The following FAM193A variants were observed in gnomAD, a reference collection of about 807,000 sequenced individuals.
FAM193A encodes the protein protein FAM193A.
A neutral mutation model predicts 126.5 loss-of-function variants in FAM193A; 22 were observed. The observed-to-expected ratio is 0.17, with a 90% confidence interval of 0.12 to 0.25. FAM193A has a LOEUF of 0.25. FAM193A is among the 10% of genes least tolerant of loss of function. The pLI is 1.00. For missense variants in FAM193A, 1,675 were observed against 1,672.8 expected, an observed-to-expected ratio of 1.00 and a Z score of -0.02; for synonymous variants, 761 against 646.8, an observed-to-expected ratio of 1.18 and a Z score of -2.68.
chr4:2,565,492 G>A (rs530120918), intron 1 of FAM193A, among the ~76,000 whole-genome samples: 3 of 152,084 alleles, frequency 2.0e-5, no homozygotes, highest in South Asian at 2.1e-4. Context: ...TCTGGACTTC[G>A]TGATCTACCT....
chr4:2,678,033 C>G (rs2109194456), intron 13 of FAM193A, among the ~76,000 whole-genome samples: 1 of 152,256 alleles, frequency 6.6e-6, no homozygotes, highest in Admixed American at 6.5e-5. Context: ...GAGTCTCCCT[C>G]TGTTACCCAG....
rs1446356492 is a variant in FAM193A at position 2,550,800 on chromosome 4, TTTATTTATTTA to T, written c.255+13633_255+13643del. ...ATTTATTTATTTATTTATTTATTTA[TTTATTTATTTA>T]TTTATTTAGAGATGAGTCTTGCTCT... On this transcript the variant is annotated intron_variant, in intron 1 of 20. Transcript: ENST00000637812. Among the ~76,000 whole-genome samples the T allele has an allele frequency of 2.6e-5, 3 of 113,844 alleles. No homozygotes were observed. The East Asian group carries it at 9.4e-4, about 36-fold the overall frequency. 74.7% of individuals were successfully genotyped at this position (113,844 alleles called of 152,430 possible).
intron 20 of FAM193A, chr4:2,720,165 T>C (rs1194839992): frequency 6.5e-6 from 1 of 154,356 alleles, no homozygotes; most frequent in Non-Finnish European, 1.5e-5. Context: ...GCTTAGTAGA[T>C]CATGGATCAG....
At chr4:2,625,076 A>T (rs1742817513) in intron 2 of FAM193A, among the ~76,000 whole-genome samples, 186 bp from the exon 3 acceptor site, 1 of 152,146 alleles carries the variant, frequency 6.6e-6, no homozygotes. Context: ...CCAGCGATCC[A>T]CCCACCTCAG....
At chr4:2,591,620 A>G (rs1740577817) in intron 1 of FAM193A, among the ~76,000 whole-genome samples, 1 of 152,158 alleles carries the variant, frequency 6.6e-6, no homozygotes, top group Non-Finnish European at 1.5e-5. Context: ...TTTTTACCCT[A>G]AGATGACCTT....
intron 1 of FAM193A, among the ~76,000 whole-genome samples, chr4:2,583,156 C>T (rs1560459906): frequency 1.3e-5 from 2 of 152,146 alleles, no homozygotes; most frequent in African/African-American, 4.8e-5. Flanking sequence ...AGAGACAGAA[C>T]CCTGTCTGTC....
chr4:2,593,559 G>C (rs1452226999), intron 1 of FAM193A, among the ~76,000 whole-genome samples: 2 of 152,078 alleles, frequency 1.3e-5, no homozygotes, highest in Non-Finnish European at 2.9e-5. Flanking sequence ...CTTTGTCTTT[G>C]ACAGTTTTCT....
At chr4:2,652,583 A>G (rs1745779648) in intron 7 of FAM193A, among the ~76,000 whole-genome samples, 1 of 152,104 alleles carries the variant, frequency 6.6e-6, no homozygotes, top group Non-Finnish European at 1.5e-5. Flanking sequence ...GGGAGGTGCT[A>G]CACACTTTTA....
At position 2,639,725 on chromosome 4, in the gene FAM193A, T is replaced by C; in HGVS notation, c.1039-10T>C. Reference sequence around the variant, plus strand: ...CATCTTCTGTTTATCTTTTACTTTTTCTTAACCAGGAAAATGAACACTTGA... The same window carrying C: ...CATCTTCTGTTTATCTTTTACTTTTCCTTAACCAGGAAAATGAACACTTGA... On this transcript the variant is annotated splice_polypyrimidine_tract_variant and intron_variant, in intron 5 of 20. Coordinates refer to ENST00000637812, the MANE Select transcript of FAM193A (RefSeq NM_001366318.2). The C allele has an allele frequency of 6.2e-7, 1 of 1,606,856 alleles. No individual in the cohort carries two copies. Among genetic ancestry groups the C allele is most frequent in the South Asian group, 1.1e-5 (1 of 90,628 alleles).
intron 2 of FAM193A, among the ~76,000 whole-genome samples, chr4:2,612,472 C>A (rs1741938165): frequency 6.6e-6 from 1 of 152,072 alleles, no homozygotes; most frequent in East Asian, 1.9e-4. Context: ...GTACTCCAGC[C>A]TGGGTGACAG....
rs1360630315 is a variant in FAM193A at position 2,699,437 on chromosome 4, C to T, written c.3508-243C>T. 6.2e-5 allele frequency among the ~76,000 whole-genome samples: 3 copies of T among 48,202 alleles called. 1 individual carries two copies. The highest frequency in any genetic ancestry group is 2.2e-4 in the African/African-American group (3 of 13,650). 31.6% of individuals were successfully genotyped at this position (48,202 alleles called of 152,430 possible). A position where few individuals can be genotyped will look rare whatever the true frequency, so the allele number is the denominator to read the frequency against. ...ATCGGGAATTTTTTGTTAACTACCA[C>T]CCCCCCCCCCACACACACACACACA... On this transcript the variant is annotated intron_variant, in intron 18 of 20. Transcript: ENST00000637812.
chr4:2,708,767 A>G lies in FAM193A; in HGVS notation c.4373-7256A>G, dbSNP rs185032149. Among the ~76,000 whole-genome samples, 18 of 152,270 alleles carry G rather than the reference A, an allele frequency of 1.2e-4. No homozygotes were observed. In the East Asian group the frequency reaches 3.1e-3, roughly 26 times the overall value. On this transcript the variant is annotated intron_variant, in intron 19 of 20. Transcript: ENST00000637812. ...GTGTGAGCCCCCTCGCCCTGCCTGT[A>G]TGTTAACTTTATATATTTTACTTTA...
At chr4:2,649,302 G>C (rs1371947365) in intron 7 of FAM193A, among the ~76,000 whole-genome samples, 1 of 150,176 alleles carries the variant, frequency 6.7e-6, no homozygotes, top group Non-Finnish European at 1.5e-5. Context: ...TTAAGACCAA[G>C]AGTTAGAGGC....
intron 1 of FAM193A, among the ~76,000 whole-genome samples, chr4:2,577,184 G>A (rs1194933602): frequency 4.6e-5 from 7 of 151,540 alleles, no homozygotes; most frequent in African/African-American, 1.2e-4. Context: ...ACGAAGCCTC[G>A]CTCTGTCACC....
At chr4:2,579,349 A>G (rs1739788717) in intron 1 of FAM193A, among the ~76,000 whole-genome samples, 1 of 151,812 alleles carries the variant, frequency 6.6e-6, no homozygotes, top group African/African-American at 2.4e-5. Context: ...TACAAAAAAA[A>G]TTAGCCAGGT....
At chr4:2,542,266 A>G (rs1028647829) in intron 1 of FAM193A, among the ~76,000 whole-genome samples, 1 of 152,030 alleles carries the variant, frequency 6.6e-6, no homozygotes, top group Non-Finnish European at 1.5e-5. Context: ...TGGCCTCCCA[A>G]AGTGCTGGGA....
Position 2,590,521 on chromosome 4 carries a change from ACAAAAT to A in FAM193A, c.256-5562_256-5557del, listed in dbSNP as rs367729488. Among the ~76,000 whole-genome samples the A allele has an allele frequency of 6.8e-3, 968 of 141,714 alleles. 95 individuals are homozygous for A. Among genetic ancestry groups the A allele is most frequent in the African/African-American group, 0.028 (913 of 32,762 alleles). 93.0% of individuals were successfully genotyped at this position (141,714 alleles called of 152,430 possible). A position where few individuals can be genotyped will look rare whatever the true frequency, so the allele number is the denominator to read the frequency against. On this transcript the variant is annotated intron_variant, in intron 1 of 20. Coordinates refer to ENST00000637812, the MANE Select transcript of FAM193A (RefSeq NM_001366318.2). ...CAAAAAAAAACAAAAAAAAAACAAA[ACAAAAT>A]TAAAAAACAGAAAATTGTGATTGAG...
intron 2 of FAM193A, chr4:2,607,992 A>G (rs1741644207): frequency 6.3e-7 from 1 of 1,584,050 alleles, no homozygotes; most frequent in Non-Finnish European, 8.6e-7. Context: ...GCCACTCACC[A>G]CAGCCCCTGC....
chr4:2,648,033 C>T (rs541451807), intron 7 of FAM193A, among the ~76,000 whole-genome samples: 4 of 152,094 alleles, frequency 2.6e-5, no homozygotes, highest in South Asian at 4.2e-4. Context: ...AGCTACAGGC[C>T]GTGTTTTCTG....
Sources: gnomAD v4.1 joint callset for allele counts (sites outside exome capture counted in the v4.1 genomes callset) on GRCh38, gnomAD v4.1.1 for gene constraint, MANE v1.5 for transcripts, NCBI Gene and HGNC (gene_info 2026-07-23, HGNC 2026-07-21) for gene names.